Variants in EDA observed in about 807,000 individuals in gnomAD.
The protein encoded by EDA is ectodysplasin A, also known as ectodysplasin-A.
EDA carries 2 observed loss-of-function variants against 23.6 expected under a neutral mutation model. The ratio of observed to expected loss-of-function variants is 0.08; its 90% CI spans 0.03 to 0.27. The LOEUF is 0.27. EDA is among the 10% of genes least tolerant of loss of function. EDA has a pLI of 1.00. For synonymous variants in EDA, 131 were observed against 132.0 expected, an observed-to-expected ratio of 0.99 and a Z score of 0.05; for missense variants, 229 against 324.2, an observed-to-expected ratio of 0.71 and a Z score of 2.26.
chrX:69,891,776 G>A (rs1335986530), intron 1 of EDA, among the ~76,000 whole-genome samples: 1 of 111,041 alleles, frequency 9.0e-6, no homozygotes, highest in Non-Finnish European at 1.9e-5. Context: ...TGGGGAGTGG[G>A]AGGAGAGAGA....
intron 1 of EDA, among the ~76,000 whole-genome samples, chrX:69,694,660 T>C (rs369184004): frequency 2.7e-4 from 30 of 112,036 alleles, no homozygotes; most frequent in African/African-American, 9.1e-4. Flanking sequence ...CACTACAACG[T>C]TGATGCAATT....
At chrX:69,676,510 G>A (rs5936728) in intron 1 of EDA, among the ~76,000 whole-genome samples, 6,673 of 108,580 alleles carry the variant, frequency 0.061, 207 homozygotes, top group Non-Finnish European at 0.089. Context: ...GTGCGCGCGC[G>A]CACGTGTGCT....
At chrX:69,657,609 C>T (rs1329648090) in intron 1 of EDA, among the ~76,000 whole-genome samples, 1 of 112,138 alleles carries the variant, frequency 8.9e-6, no homozygotes, top group Non-Finnish European at 1.9e-5. Flanking sequence ...AGTGGGACAT[C>T]TTACATTTAA....
Position 70,015,418 on chromosome X carries a change from C to CA in EDA, c.503-7795dup, listed in dbSNP as rs1297143547. ...CAAAACTCTGTCTCTACTAAAAATA[C>CA]AAAAATTAGTCGGGCATGGTGGTGC... On this transcript the variant is annotated intron_variant, in intron 2 of 7. Transcript: ENST00000374552. Among the ~76,000 whole-genome samples the CA allele has an allele frequency of 2.7e-5, 3 of 111,292 alleles. No homozygotes were observed. The East Asian group carries it at 8.5e-4, about 31-fold the overall frequency.
intron 1 of EDA, among the ~76,000 whole-genome samples, chrX:69,696,218 A>G (rs1288307945): frequency 2.9e-5 from 3 of 103,747 alleles, no homozygotes; most frequent in Middle Eastern, 5.2e-3. Context: ...CAGCCTGGGC[A>G]ATAAGAGCAA....
chrX:69,700,817 A>G (rs1257431875), intron 1 of EDA, among the ~76,000 whole-genome samples: 20 of 111,237 alleles, frequency 1.8e-4, no homozygotes, highest in Non-Finnish European at 3.2e-4. Context: ...TTGGAGGAGT[A>G]GAAGAAAGTT....
At chrX:70,017,596 C>T (rs2019969835) in intron 2 of EDA, among the ~76,000 whole-genome samples, 1 of 111,999 alleles carries the variant, frequency 8.9e-6, no homozygotes, top group African/African-American at 3.2e-5. Flanking sequence ...CTAAAAACAA[C>T]AACCACATAA....
At chrX:70,011,137 A>C (rs927048999) in intron 2 of EDA, among the ~76,000 whole-genome samples, 1 of 111,107 alleles carries the variant, frequency 9.0e-6, no homozygotes, top group African/African-American at 3.3e-5. Context: ...TCAGCATGTC[A>C]ATTACACTTT....
intron 2 of EDA, among the ~76,000 whole-genome samples, chrX:69,992,171 A>G (rs1201083590): frequency 1.8e-5 from 2 of 111,706 alleles, no homozygotes; most frequent in African/African-American, 6.5e-5. Context: ...ACTGGGATAT[A>G]TGAGAGACAG....
intron 1 of EDA, among the ~76,000 whole-genome samples, chrX:69,859,165 A>T (rs2147591606): frequency 9.1e-6 from 1 of 109,706 alleles, no homozygotes; most frequent in South Asian, 3.9e-4. Context: ...TATTTAATTA[A>T]TTTTTTCAAA....
intron 2 of EDA, among the ~76,000 whole-genome samples, chrX:70,015,842 A>G (rs1357259585): frequency 9.0e-6 from 1 of 111,586 alleles, no homozygotes; most frequent in African/African-American, 3.3e-5. Flanking sequence ...AGCTAACAAC[A>G]CAATGACAAG....
intron 1 of EDA, among the ~76,000 whole-genome samples, chrX:69,927,653 T>A (rs1409847855): frequency 2.7e-5 from 3 of 111,240 alleles, no homozygotes; most frequent in Non-Finnish European, 5.7e-5. Flanking sequence ...TCATGGAGTA[T>A]CTTAGTGGTG....
At chrX:69,734,832 A>C (rs1296744953) in intron 1 of EDA, among the ~76,000 whole-genome samples, 1 of 111,707 alleles carries the variant, frequency 9.0e-6, no homozygotes, top group African/African-American at 3.3e-5. Flanking sequence ...TGTCACACCC[A>C]TTAGGATGAT....
At chrX:69,760,095 G>A (rs1206989065) in intron 1 of EDA, among the ~76,000 whole-genome samples, 1 of 102,194 alleles carries the variant, frequency 9.8e-6, no homozygotes, top group African/African-American at 3.6e-5. Context: ...CTGTACCAGA[G>A]GAAAGAACAG....
intron 1 of EDA, among the ~76,000 whole-genome samples, chrX:69,649,589 C>A (rs866617754): frequency 1.7e-4 from 17 of 98,719 alleles, no homozygotes; most frequent in African/African-American, 6.3e-4. Flanking sequence ...GAAATACAGT[C>A]TTTTTTTTTT....
intron 1 of EDA, chrX:69,749,849 G>C (rs1022285551): frequency 2.1e-5 from 2 of 97,365 alleles, no homozygotes; most frequent in Non-Finnish European, 4.1e-5. Flanking sequence ...AAAAATCACT[G>C]TTTTTCCGAA....
At chrX:69,829,193 T>G (rs1053285367) in intron 1 of EDA, among the ~76,000 whole-genome samples, 5 of 112,520 alleles carry the variant, frequency 4.4e-5, no homozygotes, top group African/African-American at 1.6e-4. Context: ...GGTAAATCCC[T>G]AGTTCCCAAC....
In EDA at chrX:69,878,278, T is replaced by C. The variant is rs773672125; in HGVS notation, c.397-78749T>C. On this transcript the variant is annotated intron_variant, in intron 1 of 7. Transcript: ENST00000374552. Reference sequence around the variant, plus strand: ...AGAAGGCGGGGTCACCCCCGCAGGGTTCCCAGTTCTGGCTCGCCAAGGGGT... The same window carrying C: ...AGAAGGCGGGGTCACCCCCGCAGGGCTCCCAGTTCTGGCTCGCCAAGGGGT... 2.7e-5 allele frequency among the ~76,000 whole-genome samples: 3 copies of C among 112,291 alleles called. No homozygotes were observed. In the South Asian group the frequency reaches 1.1e-3, roughly 42 times the overall value.
intron 1 of EDA, among the ~76,000 whole-genome samples, chrX:69,748,114 G>A (rs1277553667): frequency 9.0e-6 from 1 of 111,694 alleles, no homozygotes. Flanking sequence ...GGTAGGGGAA[G>A]CAGTTAACAG....
Sources: gnomAD v4.1 joint callset for allele counts (sites outside exome capture counted in the v4.1 genomes callset) on GRCh38, gnomAD v4.1.1 for gene constraint, MANE v1.5 for transcripts, NCBI Gene and HGNC (gene_info 2026-07-23, HGNC 2026-07-21) for gene names.